The following RBFOX1 variants were observed in gnomAD, a reference collection of about 807,000 sequenced individuals.
RBFOX1 encodes RNA binding fox-1 homolog 1, also known as RNA binding protein fox-1 homolog 1.
In RBFOX1, 8 loss-of-function variants were observed where a neutral mutation model predicts 57.7. That is an observed-to-expected ratio of 0.14 (90% confidence interval 0.08 to 0.25). The LOEUF is 0.25. Among genes scored for constraint, RBFOX1 ranks in the 10% least tolerant of loss-of-function variants. The pLI is 1.00. For synonymous variants in RBFOX1, 326 were observed against 222.4 expected, an observed-to-expected ratio of 1.47 and a Z score of -4.15; for missense variants, 611 against 548.5, an observed-to-expected ratio of 1.11 and a Z score of -1.14.
At chr16:7,181,670 C>T (rs1008801955) in intron 4 of RBFOX1, among the ~76,000 whole-genome samples, 2 of 152,080 alleles carry the variant, frequency 1.3e-5, no homozygotes, top group Admixed American at 6.6e-5. Flanking sequence ...CCAAGCGATT[C>T]GTGTGCCTCA....
intron 2 of RBFOX1, among the ~76,000 whole-genome samples, chr16:6,612,119 C>T (rs2098067804): frequency 6.6e-6 from 1 of 152,164 alleles, no homozygotes; most frequent in African/African-American, 2.4e-5. Flanking sequence ...CATGATGCAT[C>T]TAGGGATTAT....
chr16:6,700,303 T>C (rs1247865519), intron 3 of RBFOX1, among the ~76,000 whole-genome samples: 1 of 151,776 alleles, frequency 6.6e-6, no homozygotes, highest in Non-Finnish European at 1.5e-5. Flanking sequence ...AAAATAACAG[T>C]ATAACATGCT....
chr16:6,643,281 G>A (rs935455377), intron 2 of RBFOX1, among the ~76,000 whole-genome samples: 1 of 152,182 alleles, frequency 6.6e-6, no homozygotes, highest in Non-Finnish European at 1.5e-5. Flanking sequence ...CCCATCTGCT[G>A]GCCATTTGTG....
At chr16:6,598,159 T>C (rs2097796503) in intron 2 of RBFOX1, among the ~76,000 whole-genome samples, 1 of 152,262 alleles carries the variant, frequency 6.6e-6, no homozygotes, top group South Asian at 2.1e-4. Context: ...CACACATCTG[T>C]TTCCTATATG....
At chr16:5,662,229 C>G (rs932051647) in intron 3 of RBFOX1, among the ~76,000 whole-genome samples, 6 of 152,116 alleles carry the variant, frequency 3.9e-5, no homozygotes, top group Admixed American at 3.9e-4. Context: ...TGAGTGTCTT[C>G]TAATGTAAAA....
At chr16:6,976,212 G>C (rs1045780029) in intron 3 of RBFOX1, among the ~76,000 whole-genome samples, 6 of 152,094 alleles carry the variant, frequency 3.9e-5, no homozygotes, top group African/African-American at 1.4e-4. Context: ...GTTCTTATAT[G>C]AGCATTCTAA....
chr16:6,667,000 C>T (rs1189000079), intron 3 of RBFOX1, among the ~76,000 whole-genome samples: 1 of 152,100 alleles, frequency 6.6e-6, no homozygotes, highest in Admixed American at 6.6e-5. Flanking sequence ...GGTCTCTGCA[C>T]CTGCCTTTTA....
intron 2 of RBFOX1, among the ~76,000 whole-genome samples, chr16:6,399,935 A>C (rs567542420): frequency 2.0e-5 from 3 of 152,272 alleles, no homozygotes; most frequent in Admixed American, 6.5e-5. Flanking sequence ...GTGAGAACTC[A>C]CCCACTATCA....
At chr16:5,667,585 C>G (rs528494494) in intron 3 of RBFOX1, among the ~76,000 whole-genome samples, 1 of 152,294 alleles carries the variant, frequency 6.6e-6, no homozygotes, top group East Asian at 1.9e-4. Context: ...TAGAAGTGTA[C>G]TTGAAAATTC....
At chr16:5,789,928 G>A (rs2054631790) in intron 3 of RBFOX1, among the ~76,000 whole-genome samples, 1 of 152,234 alleles carries the variant, frequency 6.6e-6, no homozygotes, top group South Asian at 2.1e-4. Context: ...GGCTGTGCTA[G>A]CTGCGGCAAT....
At chr16:5,895,428 C>T (rs1407288803) in intron 4 of RBFOX1, among the ~76,000 whole-genome samples, 2 of 152,196 alleles carry the variant, frequency 1.3e-5, no homozygotes, top group East Asian at 1.9e-4. Flanking sequence ...GCTGGACTCT[C>T]TAGTGAATGC....
At chr16:6,990,073 C>G (rs1296227118) in intron 3 of RBFOX1, among the ~76,000 whole-genome samples, 2 of 152,172 alleles carry the variant, frequency 1.3e-5, no homozygotes, top group African/African-American at 2.4e-5. Context: ...AGAATATACT[C>G]TTCAAGAGGT....
At chr16:5,719,479 G>C (rs150066608) in intron 3 of RBFOX1, among the ~76,000 whole-genome samples, 2,032 of 151,908 alleles carry the variant, frequency 0.013, 19 homozygotes, top group Non-Finnish European at 0.022. Flanking sequence ...CAAAGTGCTG[G>C]GATTGCAGGC....
chr16:5,248,286 C>G (rs1380782849), intron 1 of RBFOX1, among the ~76,000 whole-genome samples: 1 of 152,264 alleles, frequency 6.6e-6, no homozygotes, highest in Non-Finnish European at 1.5e-5. Context: ...AAAGCTCTTG[C>G]TAATAACCAG....
intron 3 of RBFOX1, among the ~76,000 whole-genome samples, chr16:6,887,098 A>G (rs1465628203): frequency 7.2e-5 from 11 of 152,128 alleles, no homozygotes; most frequent in Admixed American, 7.2e-4. Flanking sequence ...CAAAATCATC[A>G]TGTCCCTCAC....
intron 2 of RBFOX1, among the ~76,000 whole-genome samples, chr16:5,502,255 G>T (rs1014084938): frequency 3.3e-5 from 5 of 152,132 alleles, no homozygotes; most frequent in Non-Finnish European, 7.4e-5. Flanking sequence ...TAGGAAGAAC[G>T]GCAGGGATGC....
At chr16:7,342,341 C>T (rs1186598605) in intron 4 of RBFOX1, among the ~76,000 whole-genome samples, 1 of 152,170 alleles carries the variant, frequency 6.6e-6, no homozygotes, top group African/African-American at 2.4e-5. Flanking sequence ...CACTCAGACG[C>T]ATCTGAGTTG....
At chr16:6,577,529 C>T (rs1600400475) in intron 2 of RBFOX1, among the ~76,000 whole-genome samples, 1 of 152,180 alleles carries the variant, frequency 6.6e-6, no homozygotes, top group Admixed American at 6.5e-5. Context: ...AGTGATATAA[C>T]ACAACAAAGG....
intron 4 of RBFOX1, among the ~76,000 whole-genome samples, chr16:7,093,609 G>T (rs368820888): frequency 2.8e-4 from 43 of 152,276 alleles, no homozygotes; most frequent in African/African-American, 8.7e-4. Context: ...AAACTGGATG[G>T]ATCGAAAGTT....
Sources: allele counts gnomAD v4.1 joint callset (sites outside exome capture counted in the v4.1 genomes callset), GRCh38; gene constraint gnomAD v4.1.1; transcripts MANE v1.5; gene names NCBI Gene and HGNC (gene_info 2026-07-23, HGNC 2026-07-21).